Variants in NEK11 observed in about 807,000 individuals in gnomAD.
NEK11 encodes the protein NIMA related kinase 11, also known as serine/threonine-protein kinase Nek11.
A neutral mutation model predicts 80.7 loss-of-function variants in NEK11; 72 were observed. That is an observed-to-expected ratio of 0.89 (90% CI 0.74 to 1.08). The LOEUF (loss-of-function observed/expected upper bound fraction) is 1.08. NEK11 is among the 50% of genes least tolerant of loss of function. The probability of loss-of-function intolerance (pLI) is 0.00; values close to 1 mark genes in which losing one functional copy is unlikely to be tolerated. For missense variants in NEK11, 764 were observed against 763.6 expected (o/e 1.00, Z -0.01); for synonymous variants, 251 against 260.7 (o/e 0.96, Z 0.36).
chr3:131,294,818 A>G (rs1452539958), intron 17 of NEK11, among the ~76,000 whole-genome samples: 3 of 152,070 alleles, frequency 2.0e-5, no homozygotes, highest in Non-Finnish European at 4.4e-5. Flanking sequence ...CCCCTTTATT[A>G]CTATGTAATG....
chr3:131,337,992 G>T (rs1474346951), intron 17 of NEK11, among the ~76,000 whole-genome samples: 1 of 151,964 alleles, frequency 6.6e-6, no homozygotes, highest in Non-Finnish European at 1.5e-5. Context: ...ACCCAGGCTG[G>T]AGGGCAGTGG....
intron 14 of NEK11, among the ~76,000 whole-genome samples, chr3:131,219,213 A>G (rs988557063): frequency 3.9e-5 from 6 of 152,246 alleles, no homozygotes; most frequent in Admixed American, 3.9e-4. Context: ...CTATGCAGCC[A>G]TAAAAAAGGA....
At chr3:131,159,492 C>T (rs1239321639) in intron 10 of NEK11, among the ~76,000 whole-genome samples, 1 of 152,118 alleles carries the variant, frequency 6.6e-6, no homozygotes, top group Non-Finnish European at 1.5e-5. Context: ...CAGGCCGGGC[C>T]CAGTGGCTCA....
chr3:131,249,161 A>T (rs1421375157), intron 16 of NEK11, among the ~76,000 whole-genome samples: 5 of 152,162 alleles, frequency 3.3e-5, no homozygotes, highest in Admixed American at 1.3e-4. Flanking sequence ...ATGGAAGCAG[A>T]TGAGAGCTTT....
At chr3:131,264,518 G>A (rs1463618475) in intron 16 of NEK11, among the ~76,000 whole-genome samples, 1 of 152,144 alleles carries the variant, frequency 6.6e-6, no homozygotes, top group Non-Finnish European at 1.5e-5. Context: ...AGATCAGATG[G>A]TTGTAGATGT....
intron 17 of NEK11, among the ~76,000 whole-genome samples, chr3:131,315,844 A>G (rs552582630): frequency 1.3e-5 from 2 of 152,218 alleles, no homozygotes; most frequent in South Asian, 4.2e-4. Flanking sequence ...GCTGAGGATA[A>G]TAGCTTCCAA....
intron 17 of NEK11, among the ~76,000 whole-genome samples, chr3:131,323,593 A>G (rs2096921149): frequency 1.3e-5 from 2 of 152,214 alleles, no homozygotes; most frequent in Admixed American, 1.3e-4. Flanking sequence ...GGCATAATAA[A>G]GGCATTGTAT....
At chr3:131,050,344 G>A (rs949147171) in intron 3 of NEK11, among the ~76,000 whole-genome samples, 1 of 152,168 alleles carries the variant, frequency 6.6e-6, no homozygotes, top group Non-Finnish European at 1.5e-5. Context: ...ACAGCCTTCT[G>A]AGACAGGATC....
intron 10 of NEK11, among the ~76,000 whole-genome samples, chr3:131,159,419 A>G (rs1290640466): frequency 1.3e-5 from 2 of 152,208 alleles, no homozygotes; most frequent in East Asian, 3.9e-4. Context: ...TGACAGAAAA[A>G]TAGCTAGTAT....
chr3:131,323,190 G>A (rs937507577), intron 17 of NEK11, among the ~76,000 whole-genome samples: 2 of 152,072 alleles, frequency 1.3e-5, no homozygotes, highest in Non-Finnish European at 2.9e-5. Context: ...CCTTAACGAG[G>A]AATTTTCTCT....
At chr3:131,306,528 G>C (rs924769480) in intron 17 of NEK11, among the ~76,000 whole-genome samples, 2 of 152,192 alleles carry the variant, frequency 1.3e-5, no homozygotes, top group Non-Finnish European at 2.9e-5. Context: ...GAGTGGGCTA[G>C]AGCTGGTTAT....
At chr3:131,154,937 T>G in intron 9 of NEK11, 99 bp from the exon 10 acceptor site, 1 of 716,854 alleles carries the variant, frequency 1.4e-6, no homozygotes, top group Non-Finnish European at 2.4e-6. Context: ...CCTGCCATGG[T>G]CAAAAGCACC....
In NEK11 at chr3:131,109,841, A is replaced by G. The variant is rs1160222388; in HGVS notation, c.375A>G (p.Gln125=). 1 of 1,605,974 alleles carries G rather than the reference A, an allele frequency of 6.2e-7. No homozygotes were observed. Among genetic ancestry groups the G allele is most frequent in the Non-Finnish European group, 8.5e-7 (1 of 1,177,304 alleles). ...ACGATAAAATTCAGGAATATAAACA[A>G]GCTGGAAAAATCTTTCCAGAAAATC... ...DLDDKIQEYK[Q]AGKIFPENQI... is the part of the protein sequence containing the mutation. The change falls in exon 5 of 18, where the codon CAA becomes CAG. Residue 125 remains glutamine, a synonymous_variant. Coordinates refer to ENST00000383366, the MANE Select transcript of NEK11 (RefSeq NM_024800.5).
At chr3:131,159,760 A>C (rs1210489439) in intron 10 of NEK11, among the ~76,000 whole-genome samples, 1 of 54,380 alleles carries the variant, frequency 1.8e-5, no homozygotes, top group Non-Finnish European at 3.7e-5. Flanking sequence ...ATGAGACTCC[A>C]TCTCCAAAAA....
Position 131,349,866 on chromosome 3 carries a change from G to A in NEK11, c.*90G>A. ...AAGCTGAACTCTATTATGGGGAATG[G>A]ATACAAAAGCAGAGCTCCCATCTTG... On this transcript the variant is annotated 3_prime_UTR_variant, in exon 18 of 18. Coordinates refer to ENST00000383366, the MANE Select transcript of NEK11 (RefSeq NM_024800.5). The A allele has an allele frequency of 2.1e-6, 2 of 971,124 alleles. No individual in the cohort carries two copies. Among genetic ancestry groups the A allele is most frequent in the Non-Finnish European group, 3.1e-6 (2 of 641,070 alleles). The allele number at this position is 971,124 out of a possible 1,614,324, so 60.2% of individuals were successfully genotyped here.
At chr3:131,343,556 C>T (rs2097316714) in intron 17 of NEK11, among the ~76,000 whole-genome samples, 2 of 152,206 alleles carry the variant, frequency 1.3e-5, no homozygotes, top group Admixed American at 1.3e-4. Flanking sequence ...TAGAGTATCT[C>T]TGTGAGGGCT....
At chr3:131,163,508 A>C (rs892566283) in intron 11 of NEK11, among the ~76,000 whole-genome samples, 1 of 152,076 alleles carries the variant, frequency 6.6e-6, no homozygotes, top group Non-Finnish European at 1.5e-5. Context: ...CAAATACTGC[A>C]TGATATCACT....
chr3:131,079,486 A>T (rs999344128), intron 3 of NEK11, among the ~76,000 whole-genome samples: 2 of 152,234 alleles, frequency 1.3e-5, no homozygotes, highest in Non-Finnish European at 2.9e-5. Context: ...TGAACTGCCA[A>T]TGCTTGCTTA....
intron 17 of NEK11, among the ~76,000 whole-genome samples, chr3:131,323,502 C>T (rs1409899595): frequency 6.6e-6 from 1 of 152,220 alleles, no homozygotes; most frequent in Non-Finnish European, 1.5e-5. Context: ...CTCCTTCCCC[C>T]ATCTTCCTCT....
Sources: gnomAD v4.1 joint callset for allele counts (sites outside exome capture counted in the v4.1 genomes callset) on GRCh38, gnomAD v4.1.1 for gene constraint, MANE v1.5 for transcripts, NCBI Gene and HGNC (gene_info 2026-07-23, HGNC 2026-07-21) for gene names.